ACSF3: variants seen among roughly 807,000 people sequenced by gnomAD.
ACSF3 encodes the protein acyl-CoA synthetase family member 3, also known as malonate--CoA ligase ACSF3, mitochondrial.
ACSF3 carries 78 observed loss-of-function variants against 53.2 expected under a neutral mutation model. The observed-to-expected ratio is 1.47, with a 90% CI of 1.22 to 1.77. ACSF3 has a LOEUF of 1.77. Among genes scored for constraint, ACSF3 ranks in the 40% most tolerant of loss-of-function variants. The pLI, the probability that ACSF3 is intolerant of heterozygous loss-of-function variation, is 0.00. For missense variants in ACSF3, 937 were observed against 771.1 expected (o/e 1.22, Z -2.55); for synonymous variants, 414 against 333.1 (o/e 1.24, Z -2.65).
chr16:89,109,260 A>C (rs1477029885), intron 4 of ACSF3, among the ~76,000 whole-genome samples: 1 of 149,118 alleles, frequency 6.7e-6, no homozygotes, highest in Non-Finnish European at 1.5e-5. Flanking sequence ...AGAAAAGAAA[A>C]GAAACTGGCA....
chr16:89,125,000 C>T (rs1030122576), intron 7 of ACSF3, among the ~76,000 whole-genome samples: 3 of 152,158 alleles, frequency 2.0e-5, no homozygotes, highest in African/African-American at 7.2e-5. Flanking sequence ...TGTGATTTCA[C>T]CAGCTTTATT....
chr16:89,147,722 A>T (rs1597259342), intron 10 of ACSF3: 1 of 152,166 alleles, frequency 6.6e-6, no homozygotes, highest in African/African-American at 2.4e-5. Flanking sequence ...CGGGGATCAC[A>T]ATTCAACATG....
At chr16:89,102,134 G>A (rs990878764) in intron 3 of ACSF3, among the ~76,000 whole-genome samples, 1 of 152,240 alleles carries the variant, frequency 6.6e-6, no homozygotes, top group Non-Finnish European at 1.5e-5. Context: ...AGAGCTGAGG[G>A]TGTGCTCTGG....
chr16:89,107,027 G>A (rs528975477), intron 4 of ACSF3, among the ~76,000 whole-genome samples: 2 of 152,362 alleles, frequency 1.3e-5, no homozygotes, highest in East Asian at 1.9e-4. Flanking sequence ...CCTCAGGATC[G>A]CAGCATGGAC....
intron 4 of ACSF3, among the ~76,000 whole-genome samples, chr16:89,109,530 G>T (rs1272906558): frequency 2.1e-5 from 3 of 141,166 alleles, no homozygotes; most frequent in Non-Finnish European, 4.5e-5. Flanking sequence ...TCCTGCCTCA[G>T]CCATCTCAGC....
At chr16:89,151,092 C>G in intron 10 of ACSF3, 1 of 1,269,692 alleles carries the variant, frequency 7.9e-7, no homozygotes, top group South Asian at 1.2e-5. Context: ...GAAACGAAAC[C>G]TCGCCTCAGG....
chr16:89,097,193 G>T (rs538536902), intron 1 of ACSF3, among the ~76,000 whole-genome samples: 4 of 152,204 alleles, frequency 2.6e-5, no homozygotes. Flanking sequence ...TGTGGTTACC[G>T]TGTGCACAGC....
chr16:89,110,050 T>C (rs9935801), intron 4 of ACSF3, among the ~76,000 whole-genome samples: 103,164 of 152,170 alleles, frequency 0.68, 35,774 homozygotes, highest in Middle Eastern at 0.78. Context: ...TTTACAAATA[T>C]TTCCTCCAAC....
intron 1 of ACSF3, chr16:89,095,423 T>G (rs904253306): frequency 3.3e-5 from 5 of 152,226 alleles, no homozygotes; most frequent in African/African-American, 9.6e-5. Flanking sequence ...TGCTCATGAA[T>G]GCAATGTGAA....
chr16:89,116,615 C>T (rs1905159094), intron 6 of ACSF3, among the ~76,000 whole-genome samples: 1 of 152,166 alleles, frequency 6.6e-6, no homozygotes, highest in Non-Finnish European at 1.5e-5. Context: ...GCAGAGCTGC[C>T]AGTGGGGTGG....
At chr16:89,103,602 G>T (rs1265743471) in intron 4 of ACSF3, among the ~76,000 whole-genome samples, 4 of 152,250 alleles carry the variant, frequency 2.6e-5, no homozygotes, top group African/African-American at 9.6e-5. Context: ...ACTGCGAGAG[G>T]TGACACATTC....
intron 3 of ACSF3, among the ~76,000 whole-genome samples, chr16:89,101,916 C>T (rs557335965): frequency 6.6e-6 from 1 of 152,348 alleles, no homozygotes; most frequent in East Asian, 1.9e-4. Flanking sequence ...CATGAGCACA[C>T]AGCAGGCTGG....
chr16:89,142,802 C>G (rs1398648777), intron 8 of ACSF3, among the ~76,000 whole-genome samples: 1 of 152,194 alleles, frequency 6.6e-6, no homozygotes, highest in Non-Finnish European at 1.5e-5. Flanking sequence ...CACACCCACA[C>G]CTGCAGACAC....
chr16:89,138,531 G>T (rs1271948783), intron 8 of ACSF3, among the ~76,000 whole-genome samples: 1 of 152,256 alleles, frequency 6.6e-6, no homozygotes, highest in African/African-American at 2.4e-5. Context: ...TGCCGAAATG[G>T]CCATGCTTGC....
intron 7 of ACSF3, among the ~76,000 whole-genome samples, chr16:89,131,829 C>G (rs1277006116): frequency 6.6e-6 from 1 of 152,270 alleles, no homozygotes. Flanking sequence ...TCCGTGGTTT[C>G]TTTGAAAAAA....
Position 89,154,998 on chromosome 16 carries a change from C to T in ACSF3, c.*791C>T, listed in dbSNP as rs1230392008. ...CCCAGACCCCCACCTGCCCCATGGC[C>T]CCCATTTCATGTCTGTGGCTCACCA... On this transcript the variant is annotated 3_prime_UTR_variant, in exon 11 of 11. Transcript: ENST00000614302. 1 of 454,020 alleles carries T rather than the reference C, an allele frequency of 2.2e-6. No homozygotes were observed. Among genetic ancestry groups the T allele is most frequent in the Non-Finnish European group, 4.4e-6 (1 of 226,806 alleles). The allele number at this position is 454,020 out of a possible 1,614,324, so 28.1% of individuals were successfully genotyped here.
chr16:89,142,901 G>A (rs1912139081), intron 8 of ACSF3, among the ~76,000 whole-genome samples: 1 of 152,216 alleles, frequency 6.6e-6, no homozygotes, highest in Non-Finnish European at 1.5e-5. Context: ...TCCTGTGAAG[G>A]GCACTCATTC....
At chr16:89,123,209 GC>G (rs1328075309) in intron 7 of ACSF3, among the ~76,000 whole-genome samples, 2 of 152,258 alleles carry the variant, frequency 1.3e-5, no homozygotes, top group African/African-American at 4.8e-5. Context: ...CAGCCTGAGG[GC>G]CTCAGGGTTT....
intron 7 of ACSF3, among the ~76,000 whole-genome samples, chr16:89,131,256 G>A (rs1909269515): frequency 1.3e-5 from 2 of 148,542 alleles, no homozygotes; most frequent in Admixed American, 1.4e-4. Context: ...CTCCCAAGTA[G>A]CTGGGACTAC....
Sources: allele counts gnomAD v4.1 joint callset (sites outside exome capture counted in the v4.1 genomes callset), GRCh38; gene constraint gnomAD v4.1.1; transcripts MANE v1.5; gene names NCBI Gene and HGNC (gene_info 2026-07-23, HGNC 2026-07-21).